Variants in CABP7 observed in about 807,000 individuals in gnomAD.
CABP7 encodes the protein calcium-binding protein 7.
In CABP7, 13 loss-of-function variants were observed where a neutral mutation model predicts 23.1. The observed-to-expected ratio is 0.56, with a 90% CI of 0.37 to 0.90. CABP7 has a LOEUF of 0.90. Ranked by LOEUF, CABP7 falls within the 40% of genes least tolerant of loss-of-function variation. The pLI, the probability that CABP7 is intolerant of heterozygous loss-of-function variation, is 0.01. For missense variants in CABP7, 248 were observed against 295.6 expected (o/e 0.84, Z 1.18); for synonymous variants, 123 against 115.3 (o/e 1.07, Z -0.43).
chr22:29,728,800 G>A, intron 3 of CABP7, 58 bp downstream of exon 3: 1 of 1,292,580 alleles, frequency 7.7e-7, no homozygotes, highest in Admixed American at 1.7e-5. Flanking sequence ...CTGTTCTGGA[G>A]CCAGTGAATG....
chr22:29,725,113 G>A (rs568812357), intron 1 of CABP7, among the ~76,000 whole-genome samples: 3 of 152,096 alleles, frequency 2.0e-5, no homozygotes, highest in Non-Finnish European at 4.4e-5. Flanking sequence ...AGGAGGAGCG[G>A]TGCCTGACCC....
chr22:29,726,040 G>T (rs991193329), intron 1 of CABP7, among the ~76,000 whole-genome samples: 1 of 152,190 alleles, frequency 6.6e-6, no homozygotes, highest in African/African-American at 2.4e-5. Context: ...AATTGGCCTG[G>T]AGTTCCCAGA....
Position 29,729,702 on chromosome 22 carries a change from C to T in CABP7, c.*133C>T, listed in dbSNP as rs971198925. 13 of 1,180,108 alleles carry T rather than the reference C, an allele frequency of 1.1e-5. No individual in the cohort carries two copies. The highest frequency in any genetic ancestry group is 6.0e-5 in the South Asian group (4 of 66,566). The allele number at this position is 1,180,108 out of a possible 1,614,324, so 73.1% of individuals were successfully genotyped here. On this transcript the variant is annotated 3_prime_UTR_variant, in exon 5 of 5. Coordinates refer to ENST00000216144, the MANE Select transcript of CABP7 (RefSeq NM_182527.3). Reference sequence around the variant, plus strand: ...TGTACTTCAGGGCCTGGGTATCCAGCGAGCCCTCCCCACCCACCCACGGTC... The same window carrying T: ...TGTACTTCAGGGCCTGGGTATCCAGTGAGCCCTCCCCACCCACCCACGGTC...
intron 1 of CABP7, among the ~76,000 whole-genome samples, chr22:29,725,701 G>A (rs1007490361): frequency 3.3e-5 from 5 of 152,178 alleles, no homozygotes; most frequent in Non-Finnish European, 7.4e-5. Context: ...GGTTTGCCAC[G>A]GCGAGCAGAA....
At chr22:29,726,583 T>C (rs2067796910) in intron 1 of CABP7, among the ~76,000 whole-genome samples, 1 of 152,246 alleles carries the variant, frequency 6.6e-6, no homozygotes, top group African/African-American at 2.4e-5. Context: ...CGCGTGTCTC[T>C]ACTTTTAAAC....
Position 29,726,137 on chromosome 22 carries a change from G to A in CABP7, c.110-1525G>A, listed in dbSNP as rs117129986. On this transcript the variant is annotated intron_variant, in intron 1 of 4. Coordinates refer to ENST00000216144, the MANE Select transcript of CABP7 (RefSeq NM_182527.3). ...GCCCCGGGGCCATTGGTTAGGAGAC[G>A]AGATTCCCAGGTCCTGGTGGGATGA... 3.5e-3 allele frequency among the ~76,000 whole-genome samples: 538 copies of A among 152,230 alleles called. 5 individuals carry two copies. The highest frequency in any genetic ancestry group is 4.0e-3 in the Non-Finnish European group (275 of 67,998).
In CABP7 at chr22:29,727,236, G is replaced by A. The variant is rs1569330850; in HGVS notation, c.110-426G>A. Among the ~76,000 whole-genome samples, 1 of 136,816 alleles carries A rather than the reference G, an allele frequency of 7.3e-6. No homozygotes were observed. Among genetic ancestry groups the A allele is most frequent in the Admixed American group, 7.2e-5 (1 of 13,924 alleles). The allele number at this position is 136,816 out of a possible 152,430, so 89.8% of individuals were successfully genotyped here. A position where few individuals can be genotyped will look rare whatever the true frequency, so the allele number is the denominator to read the frequency against. On this transcript the variant is annotated intron_variant, in intron 1 of 4. Coordinates refer to ENST00000216144, the MANE Select transcript of CABP7 (RefSeq NM_182527.3). The surrounding 1 kb of genome is among the most constrained non-coding windows in gnomAD (Gnocchi z 4.2). ...AAGGATCTAAGGATCCGAGCCTGGG[G>A]GAGGAGGCGCAGCGGGATGGAGATG...
At position 29,727,344 on chromosome 22, in the gene CABP7, C is replaced by T. The variant is rs1200237875; in HGVS notation, c.110-318C>T. Among the ~76,000 whole-genome samples, 1 of 152,184 alleles carries T rather than the reference C, an allele frequency of 6.6e-6. No homozygotes were observed. The highest frequency in any genetic ancestry group is 2.4e-5 in the African/African-American group (1 of 41,450). ...GGGGGCCGGGGAGATCCAGCATCCT[C>T]CCCTGCACGTGGTCCCCACCACACG... is the stretch of plus-strand genomic sequence containing the variant. On this transcript the variant is annotated intron_variant, in intron 1 of 4. Coordinates refer to ENST00000216144, the MANE Select transcript of CABP7 (RefSeq NM_182527.3). This position sits in a 1 kb window ranked among gnomAD's most constrained non-coding sequence, Gnocchi z 4.2.
intron 1 of CABP7, among the ~76,000 whole-genome samples, chr22:29,722,515 G>A (rs2067768639): frequency 6.6e-6 from 1 of 152,262 alleles, no homozygotes; most frequent in Admixed American, 6.5e-5. Flanking sequence ...GGAGTAGACA[G>A]ATGCCTGGGT....
At chr22:29,724,248 G>A (rs2067780773) in intron 1 of CABP7, among the ~76,000 whole-genome samples, 1 of 152,226 alleles carries the variant, frequency 6.6e-6, no homozygotes, top group African/African-American at 2.4e-5. Context: ...GAGGCTTAGA[G>A]AGGGACGTGA....
In CABP7 at chr22:29,720,572, T is replaced by C. The variant is rs770359018; in HGVS notation, c.109+39T>C. The C allele has an allele frequency of 1.5e-6, 2 of 1,344,260 alleles. No individual in the cohort carries two copies. The highest frequency in any genetic ancestry group is 1.3e-5 in the South Asian group (1 of 77,388). The allele number at this position is 1,344,260 out of a possible 1,614,324, so 83.3% of individuals were successfully genotyped here. On this transcript the variant is annotated intron_variant, in intron 1 of 4. Transcript: ENST00000216144. The surrounding 1 kb of genome is among the most constrained non-coding windows in gnomAD (Gnocchi z 5.2). ...GGGATCCCCGCCCCGGCGGCCCTCC[T>C]ACCTGTGCGCCCAGGTGAAGCGCGG...
intron 1 of CABP7, among the ~76,000 whole-genome samples, chr22:29,724,596 T>C (rs1601706838): frequency 6.6e-6 from 1 of 152,118 alleles, no homozygotes; most frequent in Non-Finnish European, 1.5e-5. Flanking sequence ...GCTGGGAAGG[T>C]GGTGCCTGAA....
chr22:29,728,350 C>T (rs533700468), intron 2 of CABP7, among the ~76,000 whole-genome samples: 5 of 152,070 alleles, frequency 3.3e-5, no homozygotes, highest in African/African-American at 4.8e-5. Context: ...CTGGGAGCAA[C>T]GGAGGGTTCT....
At chr22:29,725,836 G>A (rs1253338015) in intron 1 of CABP7, among the ~76,000 whole-genome samples, 1 of 152,238 alleles carries the variant, frequency 6.6e-6, no homozygotes, top group East Asian at 1.9e-4. Context: ...GGCAGAACAT[G>A]TGGCCGGGCG....
chr22:29,724,175 C>T (rs964518040), intron 1 of CABP7, among the ~76,000 whole-genome samples: 2 of 152,220 alleles, frequency 1.3e-5, no homozygotes, highest in East Asian at 3.9e-4. Context: ...AGGGAGCCCC[C>T]GGCAGAGGCC....
chr22:29,724,536 G>A (rs2067782197), intron 1 of CABP7, among the ~76,000 whole-genome samples: 1 of 152,230 alleles, frequency 6.6e-6, no homozygotes, highest in South Asian at 2.1e-4. Context: ...CAGGATGTAG[G>A]AGAGCTGGGA....
intron 3 of CABP7, 75 bp downstream of exon 3, chr22:29,728,817 C>A (rs1900774283): frequency 1.8e-5 from 21 of 1,184,854 alleles, no homozygotes; most frequent in Non-Finnish European, 2.6e-5. Context: ...AATGGCTGGG[C>A]CCACACTGTA....
rs926848386 is a variant in CABP7 at position 29,729,213 on chromosome 22, G to C, written c.520+5G>C. 1 of 1,603,290 alleles carries C rather than the reference G, an allele frequency of 6.2e-7. No individual in the cohort carries two copies. Among genetic ancestry groups the C allele is most frequent in the Non-Finnish European group, 8.5e-7 (1 of 1,175,942 alleles). On this transcript the variant is annotated splice_donor_5th_base_variant and intron_variant, in intron 4 of 4. Coordinates refer to ENST00000216144, the MANE Select transcript of CABP7 (RefSeq NM_182527.3). ...AGTGTCCCGTGGATGTGGAGAGTGA[G>C]TGGCTGGCCCTGGAACCCCACGGGT...
chr22:29,727,842 T>G lies in CABP7; in HGVS notation c.253+37T>G. The G allele has an allele frequency of 6.3e-7, 1 of 1,589,926 alleles. No homozygotes were observed. The highest frequency in any genetic ancestry group is 1.1e-5 in the South Asian group (1 of 88,724). On this transcript the variant is annotated intron_variant, in intron 2 of 4. Coordinates refer to ENST00000216144, the MANE Select transcript of CABP7 (RefSeq NM_182527.3). The surrounding 1 kb of genome is among the most constrained non-coding windows in gnomAD (Gnocchi z 4.2). Reference sequence around the variant, plus strand: ...CCCGCCTCGGTTTCCCCACCTGGCATCTGGGCCCTGGGGGTGGGGCAGGGG... The same window carrying G: ...CCCGCCTCGGTTTCCCCACCTGGCAGCTGGGCCCTGGGGGTGGGGCAGGGG...
Sources: gnomAD v4.1 joint callset for allele counts (sites outside exome capture counted in the v4.1 genomes callset) on GRCh38, gnomAD v4.1.1 for gene constraint, Gnocchi (gnomAD v3.1) non-coding constraint, MANE v1.5 for transcripts, NCBI Gene and HGNC (gene_info 2026-07-23, HGNC 2026-07-21) for gene names.